CNTN4: variants seen among roughly 807,000 people sequenced by gnomAD.
CNTN4 encodes the protein contactin 4, also known as contactin-4.
CNTN4 carries 77 observed loss-of-function variants against 122.5 expected under a neutral mutation model. That is an observed-to-expected ratio of 0.63 (90% CI 0.52 to 0.76). The LOEUF (loss-of-function observed/expected upper bound fraction) is 0.76. Ranked by LOEUF, CNTN4 falls within the 30% of genes least tolerant of loss-of-function variation. CNTN4 has a pLI of 0.00. For synonymous variants in CNTN4, 512 were observed against 447.0 expected (o/e 1.15, Z -1.83); for missense variants, 1,256 against 1,259.1 (o/e 1.00, Z 0.04).
intron 20 of CNTN4, among the ~76,000 whole-genome samples, chr3:3,041,362 C>G (rs527386214): frequency 1.3e-5 from 2 of 152,346 alleles, no homozygotes; most frequent in Admixed American, 6.5e-5. Flanking sequence ...CAGCCCTTTT[C>G]ATAGCCTTCA....
At position 2,829,904 on chromosome 3, in the gene CNTN4, T is replaced by C. The variant is rs150640148; in HGVS notation, c.454+10323T>C. Among the ~76,000 whole-genome samples, 68 of 152,330 alleles carry C rather than the reference T, an allele frequency of 4.5e-4. 2 individuals carry two copies. The East Asian group carries it at 0.012, about 27-fold the overall frequency. The stretch of plus-strand genomic sequence containing the variant: ...ATACTTTCTACTTTAATTCTTTTTT[T>C]AGTTCTAGTAAGAGAGATGCTTAAG... On this transcript the variant is annotated intron_variant, in intron 7 of 24. Transcript: ENST00000418658.
chr3:2,339,516 A>G (rs1315698921), intron 3 of CNTN4, among the ~76,000 whole-genome samples: 1 of 152,196 alleles, frequency 6.6e-6, no homozygotes, highest in African/African-American at 2.4e-5. Context: ...TAGAATTTGT[A>G]ATCATAGAAA....
intron 12 of CNTN4, among the ~76,000 whole-genome samples, chr3:2,919,189 C>CAAAAAAAA (rs72363068): frequency 2.2e-5 from 3 of 138,004 alleles, no homozygotes; most frequent in Admixed American, 7.2e-5. Flanking sequence ...ACTAAAAATA[C>CAAAAAAAA]AAAAAAAAAA....
At chr3:2,756,527 C>T (rs2090346455) in intron 6 of CNTN4, among the ~76,000 whole-genome samples, 1 of 152,094 alleles carries the variant, frequency 6.6e-6, no homozygotes, top group Admixed American at 6.6e-5. Context: ...TTATAGCAGC[C>T]CTAACAGACT....
rs566671983 is a variant in CNTN4 at position 2,334,586 on chromosome 3, G to A, written c.-144-4592G>A. ...GCAGCAAATAACGTGGTAAAGCTTA[G>A]ACTCAAATATGACTTTAGAACCTAT... On this transcript the variant is annotated intron_variant, in intron 2 of 24. Coordinates refer to ENST00000418658, the MANE Select transcript of CNTN4 (RefSeq NM_175607.3). Among the ~76,000 whole-genome samples the A allele has an allele frequency of 5.3e-5, 8 of 152,180 alleles. No individual in the cohort carries two copies. In the South Asian group the frequency reaches 1.7e-3, roughly 32 times the overall value.
At chr3:2,361,643 G>A (rs1025558939) in intron 3 of CNTN4, among the ~76,000 whole-genome samples, 1 of 152,064 alleles carries the variant, frequency 6.6e-6, no homozygotes, top group Non-Finnish European at 1.5e-5. Flanking sequence ...TTATTAGGCT[G>A]GAAATTACAT....
intron 3 of CNTN4, among the ~76,000 whole-genome samples, chr3:2,412,712 T>C (rs774620487): frequency 1.3e-4 from 20 of 152,186 alleles, no homozygotes; most frequent in Non-Finnish European, 2.4e-4. Context: ...CTTTTTTTTT[T>C]CACTGCATGT....
Position 2,504,441 on chromosome 3 carries a change from C to T in CNTN4, c.-88-66975C>T, listed in dbSNP as rs548587301. On this transcript the variant is annotated intron_variant, in intron 3 of 24. Transcript: ENST00000418658. ...AATGGCATCTGTTGCCACCACTTCT[C>T]ATTTTGTGTGAGAGGGTTGAGTGAG... 2.6e-5 allele frequency among the ~76,000 whole-genome samples: 4 copies of T among 152,146 alleles called. No individual in the cohort carries two copies. In the South Asian group the frequency reaches 8.3e-4, roughly 32 times the overall value.
At chr3:2,541,029 CAT>C (rs2078011086) in intron 3 of CNTN4, among the ~76,000 whole-genome samples, 2 of 152,140 alleles carry the variant, frequency 1.3e-5, no homozygotes, top group African/African-American at 4.8e-5. Context: ...TCACTCATTA[CAT>C]AGCTGGAACT....
intron 7 of CNTN4, among the ~76,000 whole-genome samples, chr3:2,845,712 A>G (rs114206920): frequency 0.013 from 2,021 of 152,328 alleles, 27 homozygotes; most frequent in Middle Eastern, 0.051. Context: ...GAAGTAAAGT[A>G]AAATCAGCAT....
chr3:2,177,935 T>C (rs1411156932), intron 2 of CNTN4, among the ~76,000 whole-genome samples: 3 of 152,106 alleles, frequency 2.0e-5, no homozygotes, highest in Non-Finnish European at 4.4e-5. Flanking sequence ...TCTTTCTCTA[T>C]CGTCTGGATT....
At chr3:2,286,250 A>C (rs1284555496) in intron 2 of CNTN4, among the ~76,000 whole-genome samples, 2 of 142,192 alleles carry the variant, frequency 1.4e-5, no homozygotes, top group African/African-American at 2.6e-5. Context: ...CCCCCACAAC[A>C]TACACATACA....
intron 3 of CNTN4, among the ~76,000 whole-genome samples, chr3:2,476,101 A>G (rs1430772940): frequency 6.6e-6 from 1 of 152,168 alleles, no homozygotes; most frequent in African/African-American, 2.4e-5. Flanking sequence ...CTTTTTGTTC[A>G]TGACTGGTGG....
chr3:2,148,956 G>T (rs977501610), intron 2 of CNTN4, among the ~76,000 whole-genome samples: 9 of 151,994 alleles, frequency 5.9e-5, no homozygotes, highest in Non-Finnish European at 1.0e-4. Flanking sequence ...GTGTGTGTGT[G>T]TGTGTGTGTG....
chr3:2,798,100 G>A (rs952267651), intron 6 of CNTN4, among the ~76,000 whole-genome samples: 1 of 137,806 alleles, frequency 7.3e-6, no homozygotes, highest in Admixed American at 7.8e-5. Context: ...ACTCTCCAGT[G>A]TCTATTATTT....
At chr3:2,439,449 A>G (rs2048359619) in intron 3 of CNTN4, among the ~76,000 whole-genome samples, 1 of 152,090 alleles carries the variant, frequency 6.6e-6, no homozygotes, top group African/African-American at 2.4e-5. Context: ...ATTTTTAAAA[A>G]TCTGGATGTT....
intron 2 of CNTN4, among the ~76,000 whole-genome samples, chr3:2,317,036 C>T (rs1217005887): frequency 6.6e-6 from 1 of 152,162 alleles, no homozygotes; most frequent in Non-Finnish European, 1.5e-5. Context: ...TCTAGTGGCC[C>T]CTGCCTTTAG....
At position 2,955,652 on chromosome 3, in the gene CNTN4, G is replaced by T. The variant is rs184207015; in HGVS notation, c.1358+29873G>T. Among the ~76,000 whole-genome samples, 78 of 152,274 alleles carry T rather than the reference G, an allele frequency of 5.1e-4. No homozygotes were observed. The East Asian group carries it at 0.014, about 28-fold the overall frequency. On this transcript the variant is annotated intron_variant, in intron 13 of 24. Transcript: ENST00000418658. ...GAAATGCTGGGATTAATTTAAGCCT[G>T]GGCCCTGTGCTTCATGCCAACATTT...
intron 4 of CNTN4, among the ~76,000 whole-genome samples, chr3:2,628,105 G>T (rs1246318764): frequency 1.3e-5 from 2 of 152,160 alleles, no homozygotes; most frequent in African/African-American, 4.8e-5. Flanking sequence ...GCCTCCATTA[G>T]TTGTCACCCC....
Sources: gnomAD v4.1 joint callset for allele counts (sites outside exome capture counted in the v4.1 genomes callset) on GRCh38, gnomAD v4.1.1 for gene constraint, MANE v1.5 for transcripts, NCBI Gene and HGNC (gene_info 2026-07-23, HGNC 2026-07-21) for gene names.